The following ST3GAL3 variants were observed in gnomAD, a reference collection of about 807,000 sequenced individuals.
ST3GAL3 encodes the protein ST3 beta-galactoside alpha-2,3-sialyltransferase 3, also known as CMP-N-acetylneuraminate-beta-1,4-galactoside alpha-2,3-sialyltransferase.
Under a neutral mutation model 50.1 loss-of-function variants are expected in ST3GAL3, and 21 were observed. The ratio of observed to expected loss-of-function variants is 0.42; its 90% confidence interval spans 0.30 to 0.60. The LOEUF (loss-of-function observed/expected upper bound fraction) is 0.60, where lower values mean the gene tolerates loss of function less well. ST3GAL3 is among the 20% of genes least tolerant of loss of function. The pLI, the probability that ST3GAL3 is intolerant of heterozygous loss-of-function variation, is 0.19. For synonymous variants in ST3GAL3, 183 were observed against 190.0 expected (o/e 0.96, Z 0.30); for missense variants, 353 against 489.4 (o/e 0.72, Z 2.63).
rs1483545159 is a variant in ST3GAL3 at position 43,859,166 on chromosome 1, CA to C, written c.302+20856del. ...TCAGGAGTTCCTGGTCAGGGAAACA[CA>C]CACCTGACAGTTGGCAGCATCACGA... On this transcript the variant is annotated intron_variant, in intron 5 of 11. Transcript: ENST00000347631. Among the ~76,000 whole-genome samples, 5 of 152,292 alleles carry C rather than the reference CA, an allele frequency of 3.3e-5. No homozygotes were observed. The East Asian group carries it at 9.6e-4, about 29-fold the overall frequency.
chr1:43,752,925 G>A (rs1268809724), intron 2 of ST3GAL3, among the ~76,000 whole-genome samples: 1 of 152,186 alleles, frequency 6.6e-6, no homozygotes, highest in African/African-American at 2.4e-5. Flanking sequence ...AGAGGATTAT[G>A]TATAAATCTT....
At position 43,888,126 on chromosome 1, in the gene ST3GAL3, AAG is replaced by A. The variant is rs370323419; in HGVS notation, c.303-6252_303-6251del. ...CCACAGGATAGTCTTAGAAGAGGTA[AAG>A]AGAGGCCTTTGTTAGTCATATGGAA... On this transcript the variant is annotated intron_variant, in intron 5 of 11. Transcript: ENST00000347631. Among the ~76,000 whole-genome samples, 7 of 152,322 alleles carry A rather than the reference AAG, an allele frequency of 4.6e-5. No individual in the cohort carries two copies. In the East Asian group the frequency reaches 9.6e-4, roughly 21 times the overall value.
At chr1:43,824,058 A>G (rs1297487793) in intron 4 of ST3GAL3, among the ~76,000 whole-genome samples, 2 of 152,260 alleles carry the variant, frequency 1.3e-5, no homozygotes, top group Non-Finnish European at 2.9e-5. Context: ...AGATATATTC[A>G]CAATGCCTAG....
At chr1:43,721,098 A>T (rs1294496647) in intron 1 of ST3GAL3, among the ~76,000 whole-genome samples, 1 of 151,920 alleles carries the variant, frequency 6.6e-6, no homozygotes, top group African/African-American at 2.4e-5. Context: ...GTAAAAAATC[A>T]GCCAGGTGTG....
At chr1:43,817,678 T>C in intron 4 of ST3GAL3, among the ~76,000 whole-genome samples, 3 of 115,664 alleles carry the variant, frequency 2.6e-5, no homozygotes, top group Non-Finnish European at 3.6e-5. Context: ...CCTTCTTCCT[T>C]CTCCTTCCTT....
At chr1:43,902,337 A>G (rs1326965030) in intron 9 of ST3GAL3, among the ~76,000 whole-genome samples, 1 of 152,182 alleles carries the variant, frequency 6.6e-6, no homozygotes, top group African/African-American at 2.4e-5. Context: ...GCTTCCTGCC[A>G]CTTACTACAT....
intron 4 of ST3GAL3, among the ~76,000 whole-genome samples, chr1:43,837,829 A>G (rs1465349369): frequency 1.3e-5 from 2 of 152,214 alleles, no homozygotes; most frequent in African/African-American, 4.8e-5. Flanking sequence ...GTGAGAATCC[A>G]GTTAAGTTCC....
intron 1 of ST3GAL3, among the ~76,000 whole-genome samples, chr1:43,714,602 C>A (rs1465981777): frequency 1.9e-4 from 29 of 152,126 alleles, no homozygotes; most frequent in Non-Finnish European, 1.3e-4. Context: ...AAGACTCCAT[C>A]TCCAAAAATA....
intron 3 of ST3GAL3, among the ~76,000 whole-genome samples, chr1:43,810,882 C>A (rs1237058816): frequency 6.6e-6 from 1 of 151,916 alleles, no homozygotes; most frequent in Admixed American, 6.5e-5. Context: ...AGAGGGAGGC[C>A]CGATGGCCTC....
chr1:43,736,222 T>C lies in ST3GAL3; in HGVS notation c.-30-11T>C. 6.2e-7 allele frequency: 1 copy of C among 1,613,310 alleles called. No homozygotes were observed. Among genetic ancestry groups the C allele is most frequent in the South Asian group, 1.1e-5 (1 of 91,064 alleles). On this transcript the variant is annotated splice_polypyrimidine_tract_variant and intron_variant, in intron 1 of 11. Coordinates refer to ENST00000347631, the MANE Select transcript of ST3GAL3 (RefSeq NM_006279.5). ...CTTTGTCTTTTAAGAACTAAACTTTTTCTTTTCTAGGTCATTTAGGAAATC... is the reference window on the plus strand; with the variant it reads ...CTTTGTCTTTTAAGAACTAAACTTTCTCTTTTCTAGGTCATTTAGGAAATC...
intron 3 of ST3GAL3, among the ~76,000 whole-genome samples, chr1:43,808,506 A>G (rs983128048): frequency 1.3e-5 from 2 of 152,186 alleles, no homozygotes; most frequent in Non-Finnish European, 2.9e-5. Context: ...ATTTTCAGAC[A>G]TTGAACAATT....
rs1679063243 is a variant in ST3GAL3, at chr1:43,737,642, G to C, written c.118+1262G>C. ...AGACTACCCAGGATAAGGAGTGTTT[G>C]TATCAGTGAAATGCAGAATTCTGTA... On this transcript the variant is annotated intron_variant, in intron 2 of 11. Coordinates refer to ENST00000347631, the MANE Select transcript of ST3GAL3 (RefSeq NM_006279.5). The surrounding 1 kb of genome is among the most constrained non-coding windows in gnomAD (Gnocchi z 4.0). 1 of 152,200 alleles carries C rather than the reference G, an allele frequency of 6.6e-6. No individual in the cohort carries two copies. The highest frequency in any genetic ancestry group is 1.5e-5 in the Non-Finnish European group (1 of 68,032). 9.4% of individuals were successfully genotyped at this position (152,200 alleles called of 1,614,324 possible). A position where few individuals can be genotyped will look rare whatever the true frequency, so the allele number is the denominator to read the frequency against.
At position 43,759,106 on chromosome 1, in the gene ST3GAL3, C is replaced by G. The variant is rs55927174; in HGVS notation, c.118+22726C>G. ...ACACACACACACACACACACACACA[C>G]AGAAGGGGATATATAGTGATGAAAA... On this transcript the variant is annotated intron_variant, in intron 2 of 11. Transcript: ENST00000347631. Among the ~76,000 whole-genome samples, 1,109 of 148,756 alleles carry G rather than the reference C, an allele frequency of 7.5e-3. 21 individuals are homozygous for G. Among genetic ancestry groups the G allele is most frequent in the African/African-American group, 0.026 (1,049 of 40,384 alleles).
At chr1:43,839,056 G>C (rs1337195101) in intron 5 of ST3GAL3, 1 of 154,190 alleles carries the variant, frequency 6.5e-6, no homozygotes, top group African/African-American at 2.4e-5. Flanking sequence ...GAGTGCTAGG[G>C]GTGGGCTCTG....
At chr1:43,920,194 C>T (rs2082780619) in intron 9 of ST3GAL3, 2 of 626,670 alleles carry the variant, frequency 3.2e-6, no homozygotes, top group Admixed American at 2.4e-5. Context: ...TGGAGCCCCA[C>T]CACACGCTCT....
At chr1:43,757,502 C>T (rs1688565696) in intron 2 of ST3GAL3, among the ~76,000 whole-genome samples, 1 of 152,072 alleles carries the variant, frequency 6.6e-6, no homozygotes, top group East Asian at 1.9e-4. Context: ...GAAATAGACC[C>T]ACACATATAT....
Position 43,920,593 on chromosome 1 carries a change from T to C in ST3GAL3, c.891+43T>C, listed in dbSNP as rs772792776. 5.6e-6 allele frequency: 9 copies of C among 1,607,498 alleles called. No homozygotes were observed. In the South Asian group the frequency reaches 8.8e-5, roughly 16 times the overall value. On this transcript the variant is annotated intron_variant, in intron 10 of 11. Transcript: ENST00000347631. ...TGGGAGAGGGAGGAGGAAAGCTGGG[T>C]CAGAAGTGCCTTGGAAGGAAGGGTG...
At chr1:43,768,751 A>G (rs1423501131) in intron 2 of ST3GAL3, among the ~76,000 whole-genome samples, 1 of 152,242 alleles carries the variant, frequency 6.6e-6, no homozygotes, top group Non-Finnish European at 1.5e-5. Flanking sequence ...AATGGAATCA[A>G]TAATCCAAAA....
At chr1:43,741,689 G>A (rs1680994636) in intron 2 of ST3GAL3, among the ~76,000 whole-genome samples, 1 of 152,168 alleles carries the variant, frequency 6.6e-6, no homozygotes, top group African/African-American at 2.4e-5. Flanking sequence ...GGAAGTAAGT[G>A]GTATCAGAAC....
Sources: gnomAD v4.1 joint callset for allele counts (sites outside exome capture counted in the v4.1 genomes callset) on GRCh38, gnomAD v4.1.1 for gene constraint, Gnocchi (gnomAD v3.1) non-coding constraint, MANE v1.5 for transcripts, NCBI Gene and HGNC (gene_info 2026-07-23, HGNC 2026-07-21) for gene names.